Variants in CEP112 observed in about 807,000 individuals in gnomAD.
CEP112 encodes centrosomal protein 112.
CEP112 carries 127 observed loss-of-function variants against 153.0 expected under a neutral mutation model. The observed-to-expected ratio is 0.83, with a 90% CI of 0.72 to 0.96. CEP112 has a LOEUF of 0.96. CEP112 is among the 40% of genes least tolerant of loss of function. CEP112 has a pLI of 0.00. For synonymous variants in CEP112, 358 were observed against 374.4 expected, an observed-to-expected ratio of 0.96 and a Z score of 0.51; for missense variants, 1,089 against 1,101.2, an observed-to-expected ratio of 0.99 and a Z score of 0.16.
intron 22 of CEP112, among the ~76,000 whole-genome samples, chr17:65,744,764 A>C (rs1469833207): frequency 6.6e-6 from 1 of 152,162 alleles, no homozygotes; most frequent in East Asian, 1.9e-4. Context: ...TTTTATATTT[A>C]ATTGGCCTTA....
chr17:65,910,065 G>A (rs1030838467), intron 19 of CEP112, among the ~76,000 whole-genome samples: 2 of 152,126 alleles, frequency 1.3e-5, no homozygotes, highest in Non-Finnish European at 2.9e-5. Flanking sequence ...GAAGGAGTTA[G>A]AGTTCACAGA....
intron 21 of CEP112, chr17:65,797,288 T>C (rs2054993728): frequency 6.6e-6 from 1 of 152,216 alleles, no homozygotes; most frequent in African/African-American, 2.4e-5. Flanking sequence ...TTGATATTCA[T>C]CTGCAAAGGG....
chr17:65,789,946 C>A (rs1338743523), intron 21 of CEP112, among the ~76,000 whole-genome samples: 1 of 152,130 alleles, frequency 6.6e-6, no homozygotes, highest in Non-Finnish European at 1.5e-5. Flanking sequence ...AAGTCTATAT[C>A]CTAACTGTTG....
At chr17:65,758,420 C>T (rs376180609) in intron 21 of CEP112, among the ~76,000 whole-genome samples, 1 of 152,226 alleles carries the variant, frequency 6.6e-6, no homozygotes, top group East Asian at 1.9e-4. Flanking sequence ...GGGAAAAATA[C>T]GACCAATTTA....
At chr17:66,009,873 T>C (rs537843288) in intron 16 of CEP112, among the ~76,000 whole-genome samples, 3 of 152,340 alleles carry the variant, frequency 2.0e-5, no homozygotes, top group Admixed American at 6.5e-5. Flanking sequence ...AGGCTTATAA[T>C]ATAGTTTGAA....
intron 12 of CEP112, among the ~76,000 whole-genome samples, chr17:66,033,265 T>A (rs1312248074): frequency 1.2e-5 from 1 of 81,448 alleles, no homozygotes; most frequent in Non-Finnish European, 2.6e-5. Flanking sequence ...AAGAAAACTA[T>A]ACATGAAAAT....
In CEP112 at chr17:65,851,834, A is replaced by G. The variant is rs2057942305; in HGVS notation, c.2364T>C (p.His788=). ...EKMKIELKKT[H]AAETEMTLEK... ...CCAGTGTCATCTCTGTCTCAGCAGC[A>G]TGAGTCTTTTTCAGCTCTATTTTCA... The change falls in exon 21 of 27, where the codon CAT becomes CAC. Residue 788 remains histidine, a synonymous_variant. Transcript: ENST00000535342. 1 of 1,613,930 alleles carries G rather than the reference A, an allele frequency of 6.2e-7. No individual in the cohort carries two copies. The highest frequency in any genetic ancestry group is 8.5e-7 in the Non-Finnish European group (1 of 1,179,918).
chr17:66,189,881 A>C (rs150431701), intron 1 of CEP112, among the ~76,000 whole-genome samples: 153 of 152,110 alleles, frequency 1.0e-3, no homozygotes, highest in African/African-American at 3.6e-3. Flanking sequence ...AAAATACAAA[A>C]ATTAGCCAAG....
intron 20 of CEP112, among the ~76,000 whole-genome samples, chr17:65,889,074 C>T (rs2059380336): frequency 6.6e-6 from 1 of 152,128 alleles, no homozygotes; most frequent in East Asian, 1.9e-4. Context: ...TGAAACCTTA[C>T]TGGTCTCAGG....
At chr17:66,112,801 C>T (rs1180286606) in intron 6 of CEP112, among the ~76,000 whole-genome samples, 1 of 152,142 alleles carries the variant, frequency 6.6e-6, no homozygotes, top group Non-Finnish European at 1.5e-5. Context: ...AAAAAATCAG[C>T]AGAGCATGGT....
chr17:65,755,497 T>C (rs1426897659), intron 21 of CEP112, among the ~76,000 whole-genome samples: 1 of 152,022 alleles, frequency 6.6e-6, no homozygotes, highest in African/African-American at 2.4e-5. Context: ...GGTTTCAGTA[T>C]AGGAGAAATA....
intron 6 of CEP112, among the ~76,000 whole-genome samples, chr17:66,120,633 C>A (rs1274643751): frequency 1.3e-5 from 2 of 152,142 alleles, no homozygotes; most frequent in African/African-American, 4.8e-5. Context: ...TCTACATTGT[C>A]AAATGTATGC....
At chr17:65,647,299 G>A (rs532138849) in intron 24 of CEP112, among the ~76,000 whole-genome samples, 6 of 149,856 alleles carry the variant, frequency 4.0e-5, no homozygotes, top group South Asian at 2.1e-4. Context: ...TCAGCCTCCC[G>A]AGTAGCTGGG....
intron 23 of CEP112, among the ~76,000 whole-genome samples, chr17:65,720,175 G>C (rs2049785064): frequency 6.6e-6 from 1 of 152,186 alleles, no homozygotes; most frequent in African/African-American, 2.4e-5. Flanking sequence ...AGGTTTAAGG[G>C]GGTTCAGATA....
At chr17:66,092,105 G>A (rs544524394) in intron 8 of CEP112, among the ~76,000 whole-genome samples, 23 of 149,760 alleles carry the variant, frequency 1.5e-4, no homozygotes, top group Non-Finnish European at 1.5e-4. Context: ...GCAGTAGTGC[G>A]ATCTTCTCAC....
intron 24 of CEP112, among the ~76,000 whole-genome samples, chr17:65,676,068 G>C (rs1365856037): frequency 1.3e-5 from 2 of 152,222 alleles, no homozygotes; most frequent in Non-Finnish European, 2.9e-5. Context: ...GCCAGGCGCA[G>C]TGGTTCACGT....
chr17:65,712,049 A>G (rs889844744), intron 23 of CEP112, among the ~76,000 whole-genome samples: 1 of 152,180 alleles, frequency 6.6e-6, no homozygotes, highest in African/African-American at 2.4e-5. Flanking sequence ...CACAGAGTCC[A>G]TCGACTGCTG....
chr17:66,015,488 T>C (rs1568381300), intron 16 of CEP112, among the ~76,000 whole-genome samples: 1 of 152,212 alleles, frequency 6.6e-6, no homozygotes, highest in Non-Finnish European at 1.5e-5. Flanking sequence ...ATATATCTTC[T>C]GAGGCTTTGC....
intron 1 of CEP112, among the ~76,000 whole-genome samples, chr17:66,189,502 C>CAA (rs36115506): frequency 1.7e-5 from 2 of 119,964 alleles, no homozygotes; most frequent in Non-Finnish European, 1.7e-5. Context: ...AACTCTGTCT[C>CAA]AAAAAAAAAA....
Sources: gnomAD v4.1 joint callset for allele counts (sites outside exome capture counted in the v4.1 genomes callset) on GRCh38, gnomAD v4.1.1 for gene constraint, MANE v1.5 for transcripts, NCBI Gene and HGNC (gene_info 2026-07-23, HGNC 2026-07-21) for gene names.